SLC25A53: variants seen among roughly 807,000 people sequenced by gnomAD.
The protein encoded by SLC25A53 is mitochondrial carrier triple repeat protein 6.
A neutral mutation model predicts 15.0 loss-of-function variants in SLC25A53; 5 were observed. The observed-to-expected ratio is 0.33, with a 90% CI of 0.17 to 0.70. The LOEUF (loss-of-function observed/expected upper bound fraction) is 0.70. SLC25A53 is among the 30% of genes least tolerant of loss of function. SLC25A53 has a pLI of 0.67. For missense variants in SLC25A53, 216 were observed against 241.6 expected (o/e 0.89, Z 0.70); for synonymous variants, 95 against 100.0 (o/e 0.95, Z 0.30).
chrX:104,105,880 A>C (rs782059208), intron 1 of SLC25A53, among the ~76,000 whole-genome samples: 2 of 112,076 alleles, frequency 1.8e-5, no homozygotes, highest in African/African-American at 3.2e-5. Context: ...TGCTTCTGGA[A>C]GTTCAGTGCC....
intron 1 of SLC25A53, among the ~76,000 whole-genome samples, chrX:104,131,704 T>C (rs782165457): frequency 2.7e-5 from 3 of 111,131 alleles, no homozygotes; most frequent in African/African-American, 9.8e-5. Context: ...GGTTTTGCTA[T>C]CAGTTCTCTT....
chrX:104,106,544 A>G (rs1459922814), intron 1 of SLC25A53, among the ~76,000 whole-genome samples: 1 of 111,065 alleles, frequency 9.0e-6, no homozygotes, highest in African/African-American at 3.3e-5. Flanking sequence ...CAGACCCACA[A>G]GTTTCACACA....
In SLC25A53 at chrX:104,112,702, G is replaced by C. The variant is rs1476250630; in HGVS notation, c.-31-7414C>G. 3 of 113,377 alleles carry C rather than the reference G, an allele frequency of 2.6e-5. No homozygotes were observed. In the Admixed American group the frequency reaches 2.8e-4, roughly 10 times the overall value. 9.3% of individuals were successfully genotyped at this position (113,377 alleles called of 1,213,427 possible). ...AGCCCCGGGTCGCTTAGCGGCCGAG[G>C]AGGCGGCAGAGATCCCGTTCCCCTG... On this transcript the variant is annotated intron_variant, in intron 1 of 1. Transcript: ENST00000594199.
intron 1 of SLC25A53, among the ~76,000 whole-genome samples, chrX:104,110,086 C>A (rs1316720263): frequency 1.8e-5 from 2 of 111,599 alleles, no homozygotes; most frequent in Non-Finnish European, 3.8e-5. Context: ...TTTACACAAT[C>A]CATTTCCTGT....
chrX:104,129,816 T>TTA (rs1469896599), intron 1 of SLC25A53, among the ~76,000 whole-genome samples: 1 of 103,168 alleles, frequency 9.7e-6, no homozygotes, highest in Non-Finnish European at 2.0e-5. Context: ...GTAGTTTTAT[T>TTA]TATATATATA....
intron 1 of SLC25A53, among the ~76,000 whole-genome samples, chrX:104,121,905 A>G (rs1168830356): frequency 3.3e-5 from 1 of 30,040 alleles, no homozygotes; most frequent in Non-Finnish European, 6.9e-5. Context: ...ATATATATAT[A>G]TATATATATA....
At chrX:104,117,780 A>G (rs1453324883) in intron 1 of SLC25A53, among the ~76,000 whole-genome samples, 1 of 111,795 alleles carries the variant, frequency 8.9e-6, no homozygotes. Flanking sequence ...CTTTTCTCAA[A>G]TTCACTCTAT....
intron 1 of SLC25A53, among the ~76,000 whole-genome samples, chrX:104,147,161 T>C (rs2075470242): frequency 9.0e-6 from 1 of 111,414 alleles, no homozygotes; most frequent in African/African-American, 3.3e-5. Flanking sequence ...TATCTACAAC[T>C]ATCTGATCTC....
At chrX:104,125,850 G>A (rs1019818745) in intron 1 of SLC25A53, among the ~76,000 whole-genome samples, 8 of 111,815 alleles carry the variant, frequency 7.2e-5, no homozygotes, top group African/African-American at 2.6e-4. Context: ...ATCCCTTTCC[G>A]TAAAACTTGA....
intron 1 of SLC25A53, among the ~76,000 whole-genome samples, chrX:104,125,566 CACA>C (rs2075408723): frequency 8.9e-6 from 1 of 112,169 alleles, no homozygotes; most frequent in Non-Finnish European, 1.9e-5. Flanking sequence ...ACCCATTCCT[CACA>C]ACAACCCCTT....
intron 1 of SLC25A53, among the ~76,000 whole-genome samples, chrX:104,131,585 A>T: frequency 9.0e-6 from 1 of 111,395 alleles, no homozygotes; most frequent in South Asian, 3.8e-4. Flanking sequence ...ATTGACCACT[A>T]AATTCCTTCT....
chrX:104,145,312 G>C (rs1189526591), intron 1 of SLC25A53, among the ~76,000 whole-genome samples: 2 of 112,300 alleles, frequency 1.8e-5, no homozygotes, highest in Admixed American at 9.5e-5. Flanking sequence ...ATTTAAAGCA[G>C]TGTGTAGAGG....
chrX:104,111,065 A>C (rs1556358285), intron 1 of SLC25A53, among the ~76,000 whole-genome samples: 1 of 112,632 alleles, frequency 8.9e-6, no homozygotes, highest in East Asian at 2.8e-4. Context: ...ATTTCATGAC[A>C]GATATGCCAT....
At chrX:104,127,381 G>A (rs2075413761) in intron 1 of SLC25A53, among the ~76,000 whole-genome samples, 1 of 111,749 alleles carries the variant, frequency 8.9e-6, no homozygotes, top group South Asian at 3.7e-4. Flanking sequence ...GAAGCACAAG[G>A]GAGGTCCTAT....
chrX:104,123,315 C>G (rs1474754825), intron 1 of SLC25A53, among the ~76,000 whole-genome samples: 1 of 112,611 alleles, frequency 8.9e-6, no homozygotes, highest in African/African-American at 3.2e-5. Flanking sequence ...TCCAGGGATG[C>G]TTGCTTAGTT....
At chrX:104,133,622 C>T (rs2075430488) in intron 1 of SLC25A53, among the ~76,000 whole-genome samples, 2 of 111,877 alleles carry the variant, frequency 1.8e-5, no homozygotes, top group Non-Finnish European at 3.8e-5. Flanking sequence ...AACACATCTG[C>T]ATTGATTCCA....
At chrX:104,108,330 A>G (rs1556357039) in intron 1 of SLC25A53, among the ~76,000 whole-genome samples, 1 of 111,703 alleles carries the variant, frequency 9.0e-6, no homozygotes, top group Non-Finnish European at 1.9e-5. Flanking sequence ...GCAGAGATTA[A>G]TAACATAAAA....
At chrX:104,115,358 T>C in intron 1 of SLC25A53, 2 of 1,093,963 alleles carry the variant, frequency 1.8e-6, no homozygotes, top group Non-Finnish European at 2.4e-6. Flanking sequence ...TCCTTGACTG[T>C]ATTCAGAGTC....
rs782012564 is a variant in SLC25A53, at chrX:104,114,149, A to G, written c.-31-8861T>C. ...ACTGCGTGTGTGGGTAACAGCAGGC[A>G]GCAGAATGCACCTTTGCCGCCTTGG... On this transcript the variant is annotated intron_variant, in intron 1 of 1. Coordinates refer to ENST00000594199, the MANE Select transcript of SLC25A53 (RefSeq NM_001012755.5). 5 of 1,209,371 alleles carry G rather than the reference A, an allele frequency of 4.1e-6. No individual in the cohort carries two copies. The South Asian group carries it at 7.1e-5, about 17-fold the overall frequency.
Sources: gnomAD v4.1 joint callset for allele counts (sites outside exome capture counted in the v4.1 genomes callset) on GRCh38, gnomAD v4.1.1 for gene constraint, MANE v1.5 for transcripts, NCBI Gene and HGNC (gene_info 2026-07-23, HGNC 2026-07-21) for gene names.